The following SPOCK1 variants were observed in gnomAD, a reference collection of about 807,000 sequenced individuals.
SPOCK1 encodes SPARC (osteonectin), cwcv and kazal like domains proteoglycan 1.
SPOCK1 carries 23 observed loss-of-function variants against 55.3 expected under a neutral mutation model. The ratio of observed to expected loss-of-function variants is 0.42; its 90% CI spans 0.30 to 0.59. SPOCK1 has a LOEUF of 0.59. Ranked by LOEUF, SPOCK1 falls within the 20% of genes least tolerant of loss-of-function variation. SPOCK1 has a pLI of 0.22. For synonymous variants in SPOCK1, 226 were observed against 221.0 expected, an observed-to-expected ratio of 1.02 and a Z score of -0.20; for missense variants, 499 against 552.5, an observed-to-expected ratio of 0.90 and a Z score of 0.97.
intron 3 of SPOCK1, 93 bp downstream of exon 3, chr5:137,266,917 G>A: frequency 9.4e-7 from 1 of 1,062,710 alleles, no homozygotes; most frequent in Non-Finnish European, 1.4e-6. Flanking sequence ...CCGCTAGCTG[G>A]CCCTTGTGGG....
At chr5:137,234,699 G>A (rs568492603) in intron 3 of SPOCK1, among the ~76,000 whole-genome samples, 1 of 152,284 alleles carries the variant, frequency 6.6e-6, no homozygotes, top group Admixed American at 6.5e-5. Context: ...TCCCCTTGAG[G>A]GTGGGCTAGG....
intron 3 of SPOCK1, among the ~76,000 whole-genome samples, chr5:137,174,882 C>T (rs1292851728): frequency 6.6e-6 from 1 of 152,122 alleles, no homozygotes; most frequent in Non-Finnish European, 1.5e-5. Context: ...CATAAAGGCA[C>T]CATATGCCCC....
At chr5:137,423,519 A>G (rs910567319) in intron 2 of SPOCK1, among the ~76,000 whole-genome samples, 15 of 152,070 alleles carry the variant, frequency 9.9e-5, no homozygotes, top group African/African-American at 3.6e-4. Flanking sequence ...GCTGCCTTGC[A>G]GTTTGATCTC....
At chr5:137,321,946 A>C (rs1717289478) in intron 2 of SPOCK1, among the ~76,000 whole-genome samples, 1 of 152,200 alleles carries the variant, frequency 6.6e-6, no homozygotes, top group Admixed American at 6.5e-5. Context: ...AGAAAAATTA[A>C]AGGCTTTCCT....
At chr5:137,160,644 ATT>A (rs1561631906) in intron 3 of SPOCK1, among the ~76,000 whole-genome samples, 19 of 96,834 alleles carry the variant, frequency 2.0e-4, no homozygotes, top group African/African-American at 6.9e-4. Context: ...TATAATATAT[ATT>A]TTATATAATA....
chr5:137,278,825 T>C (rs937449197), intron 2 of SPOCK1, among the ~76,000 whole-genome samples: 7 of 152,154 alleles, frequency 4.6e-5, no homozygotes, highest in African/African-American at 1.4e-4. Context: ...ACAAGACGGA[T>C]GGTCCAGAGA....
At chr5:137,211,854 A>G (rs1432530431) in intron 3 of SPOCK1, among the ~76,000 whole-genome samples, 1 of 152,162 alleles carries the variant, frequency 6.6e-6, no homozygotes, top group African/African-American at 2.4e-5. Context: ...GCACCCCAAG[A>G]GGACATGGAA....
intron 6 of SPOCK1, among the ~76,000 whole-genome samples, chr5:137,003,160 C>T (rs1005836676): frequency 3.3e-5 from 5 of 152,120 alleles, no homozygotes; most frequent in Non-Finnish European, 7.4e-5. Context: ...AGTCCCAGCA[C>T]TTTAGAAGGC....
At chr5:137,487,458 T>C (rs567368971) in intron 2 of SPOCK1, among the ~76,000 whole-genome samples, 10 of 152,090 alleles carry the variant, frequency 6.6e-5, no homozygotes, top group African/African-American at 2.4e-4. Flanking sequence ...GTTCCGACTA[T>C]CAGTATCTGC....
chr5:137,310,818 T>C (rs571917891), intron 2 of SPOCK1, among the ~76,000 whole-genome samples: 9 of 152,282 alleles, frequency 5.9e-5, no homozygotes, highest in African/African-American at 2.2e-4. Context: ...ATAACATCCA[T>C]GTAAAACTGC....
In SPOCK1 at chr5:137,277,022, AT is replaced by A. The variant is rs371576200; in HGVS notation, c.187-9968del. 4.9e-3 allele frequency among the ~76,000 whole-genome samples: 726 copies of A among 149,526 alleles called. 4 individuals carry two copies. Among genetic ancestry groups the A allele is most frequent in the African/African-American group, 0.015 (608 of 40,954 alleles). On this transcript the variant is annotated intron_variant, in intron 2 of 10. Transcript: ENST00000394945. ...TCATCGTAATAATAGCAGCTACCAC[AT>A]TTTTTTTTTAATAGACAGGGTCTTG...
intron 2 of SPOCK1, among the ~76,000 whole-genome samples, chr5:137,328,558 G>A (rs910465211): frequency 6.6e-6 from 1 of 152,200 alleles, no homozygotes; most frequent in African/African-American, 2.4e-5. Flanking sequence ...ACTGACGCTA[G>A]TCACTGCTCT....
chr5:137,318,536 G>A (rs932694721), intron 2 of SPOCK1, among the ~76,000 whole-genome samples: 65 of 152,178 alleles, frequency 4.3e-4, no homozygotes, highest in African/African-American at 1.4e-3. Context: ...AAGAGTGCTC[G>A]AGATTCCTCT....
chr5:137,141,592 G>A (rs1754099918), intron 3 of SPOCK1, among the ~76,000 whole-genome samples: 1 of 152,290 alleles, frequency 6.6e-6, no homozygotes, highest in South Asian at 2.1e-4. Context: ...ACCATGACGG[G>A]CATATAAAAT....
chr5:137,066,987 C>CACACACACACAGAGAG (rs1343691789), intron 6 of SPOCK1, among the ~76,000 whole-genome samples: 4,504 of 139,510 alleles, frequency 0.032, 115 homozygotes, highest in Non-Finnish European at 0.051. Flanking sequence ...CACACACACA[C>CACACACACACAGAGAG]AGAGAGAGAG....
intron 3 of SPOCK1, among the ~76,000 whole-genome samples, chr5:137,213,374 GACA>G (rs1206167324): frequency 1.3e-5 from 2 of 152,188 alleles, no homozygotes; most frequent in African/African-American, 4.8e-5. Context: ...TGACTATACT[GACA>G]ACAACACTAT....
At chr5:137,215,106 A>G (rs1008572014) in intron 3 of SPOCK1, among the ~76,000 whole-genome samples, 7 of 152,232 alleles carry the variant, frequency 4.6e-5, no homozygotes, top group Non-Finnish European at 7.3e-5. Flanking sequence ...CTGTAATTTC[A>G]ATGGGAGAAA....
At chr5:137,067,655 T>C (rs1405966867) in intron 6 of SPOCK1, 60 bp downstream of exon 6, 1 of 1,451,826 alleles carries the variant, frequency 6.9e-7, no homozygotes, top group South Asian at 1.1e-5. Context: ...CTCGGCCACA[T>C]CAACCCTCTG....
chr5:137,138,504 T>TACAC (rs34293195), intron 4 of SPOCK1, among the ~76,000 whole-genome samples: 11,850 of 147,400 alleles, frequency 0.08, 909 homozygotes, highest in African/African-American at 0.2. Flanking sequence ...CACACAAACA[T>TACAC]ACACACACAC....
Sources: gnomAD v4.1 joint callset for allele counts (sites outside exome capture counted in the v4.1 genomes callset) on GRCh38, gnomAD v4.1.1 for gene constraint, MANE v1.5 for transcripts, NCBI Gene and HGNC (gene_info 2026-07-23, HGNC 2026-07-21) for gene names.